The following EVA1C variants were observed in gnomAD, a reference collection of about 807,000 sequenced individuals.
The protein encoded by EVA1C is protein eva-1 homolog C.
EVA1C carries 25 observed loss-of-function variants against 45.4 expected under a neutral mutation model. That is an observed-to-expected ratio of 0.55 (90% confidence interval 0.40 to 0.77). The LOEUF (loss-of-function observed/expected upper bound fraction) is 0.77, where lower values mean the gene tolerates loss of function less well. Among genes scored for constraint, EVA1C ranks in the 30% least tolerant of loss-of-function variants. EVA1C has a pLI of 0.00. For synonymous variants in EVA1C, 190 were observed against 221.2 expected, an observed-to-expected ratio of 0.86 and a Z score of 1.25; for missense variants, 479 against 554.8, an observed-to-expected ratio of 0.86 and a Z score of 1.37.
At chr21:32,425,203 A>T (rs779578805) in intron 1 of EVA1C, among the ~76,000 whole-genome samples, 32 of 151,828 alleles carry the variant, frequency 2.1e-4, no homozygotes, top group Non-Finnish European at 4.1e-4. Context: ...GTGTGGTGGC[A>T]TGCCCCTGTA....
At chr21:32,447,928 T>C (rs9978264) in intron 1 of EVA1C, among the ~76,000 whole-genome samples, 67,184 of 151,822 alleles carry the variant, frequency 0.44, 15,184 homozygotes, top group Admixed American at 0.57. Context: ...TGGTTTTGAA[T>C]TCTCATTCTC....
At chr21:32,441,437 T>C (rs1441538300) in intron 1 of EVA1C, among the ~76,000 whole-genome samples, 1 of 151,876 alleles carries the variant, frequency 6.6e-6, no homozygotes, top group Non-Finnish European at 1.5e-5. Context: ...GAGGTCAGAG[T>C]ATGCTTAGCA....
intron 3 of EVA1C, among the ~76,000 whole-genome samples, chr21:32,463,545 C>T (rs564820913): frequency 6.6e-5 from 10 of 152,346 alleles, no homozygotes; most frequent in Non-Finnish European, 1.0e-4. Flanking sequence ...ATGTGACACG[C>T]ACAGGCCCCT....
intron 1 of EVA1C, among the ~76,000 whole-genome samples, chr21:32,415,619 C>T (rs1338686144): frequency 6.6e-6 from 1 of 152,130 alleles, no homozygotes; most frequent in Admixed American, 6.5e-5. Context: ...GCATCGATCT[C>T]ACTCTTAATA....
rs371701955 is a variant in EVA1C, at chr21:32,511,359, C to T, written c.950-3455C>T. Among the ~76,000 whole-genome samples, 4 of 123,926 alleles carry T rather than the reference C, an allele frequency of 3.2e-5. No homozygotes were observed. The East Asian group carries it at 9.9e-4, about 31-fold the overall frequency. The allele number at this position is 123,926 out of a possible 152,430, so 81.3% of individuals were successfully genotyped here. Reference sequence around the variant, plus strand: ...AACCTGGGGTGGGGGGCGGAGGTTGCAGTGAGCCAAGATCATGCCACTTAC... The same window carrying T: ...AACCTGGGGTGGGGGGCGGAGGTTGTAGTGAGCCAAGATCATGCCACTTAC... On this transcript the variant is annotated intron_variant, in intron 7 of 7. Transcript: ENST00000300255.
In EVA1C at chr21:32,473,162, G is replaced by A. The variant is rs533644573; in HGVS notation, c.634+5314G>A. On this transcript the variant is annotated intron_variant, in intron 4 of 7. Transcript: ENST00000300255. The stretch of plus-strand genomic sequence containing the variant: ...GAAATACAAACCTTTGGCTCTCTGA[G>A]CTGGTGCATTTTCTCCATCTAATTG... Among the ~76,000 whole-genome samples, 4 of 152,374 alleles carry A rather than the reference G, an allele frequency of 2.6e-5. No homozygotes were observed. The East Asian group carries it at 7.7e-4, about 29-fold the overall frequency.
intron 1 of EVA1C, among the ~76,000 whole-genome samples, chr21:32,419,583 C>T (rs1026946040): frequency 1.3e-5 from 2 of 152,162 alleles, no homozygotes; most frequent in East Asian, 1.9e-4. Flanking sequence ...GGCATAGTGG[C>T]ATGCTCCTGT....
At chr21:32,441,256 A>G (rs182032353) in intron 1 of EVA1C, among the ~76,000 whole-genome samples, 14 of 152,290 alleles carry the variant, frequency 9.2e-5, no homozygotes, top group Admixed American at 8.5e-4. Context: ...AGCAAGATAA[A>G]GCAGAGTTAG....
intron 2 of EVA1C, 76 bp from the exon 3 acceptor site, chr21:32,457,521 G>A: frequency 6.3e-7 from 1 of 1,590,762 alleles, no homozygotes; most frequent in Non-Finnish European, 8.6e-7. Flanking sequence ...GCAGAGCCCA[G>A]AGCAGCCCAG....
chr21:32,480,355 C>T (rs1018394986), intron 4 of EVA1C, among the ~76,000 whole-genome samples: 1 of 139,926 alleles, frequency 7.1e-6, no homozygotes, highest in Non-Finnish European at 1.5e-5. Context: ...AAAGACAATA[C>T]AACTCTTTAA....
intron 3 of EVA1C, among the ~76,000 whole-genome samples, chr21:32,458,357 A>G (rs1267937106): frequency 6.6e-6 from 1 of 152,148 alleles, no homozygotes; most frequent in Non-Finnish European, 1.5e-5. Flanking sequence ...GGTGGGTCAC[A>G]CTTCCAGGAG....
intron 1 of EVA1C, among the ~76,000 whole-genome samples, chr21:32,424,675 C>T (rs891053853): frequency 1.4e-4 from 22 of 152,214 alleles, no homozygotes; most frequent in African/African-American, 4.8e-4. Context: ...TCTTGAGAAC[C>T]CCAGTGCTGT....
chr21:32,510,775 C>T (rs2037920341), intron 7 of EVA1C, among the ~76,000 whole-genome samples: 2 of 152,254 alleles, frequency 1.3e-5, no homozygotes, highest in Admixed American at 1.3e-4. Context: ...TGGCTCACAC[C>T]TGTAATCCCA....
intron 7 of EVA1C, among the ~76,000 whole-genome samples, chr21:32,509,832 A>G (rs1165078620): frequency 1.3e-5 from 2 of 151,540 alleles, no homozygotes; most frequent in Non-Finnish European, 2.9e-5. Context: ...TTCCAGGCTA[A>G]CAGAAGAGCA....
At chr21:32,498,256 G>A (rs1417574965) in intron 5 of EVA1C, among the ~76,000 whole-genome samples, 2 of 152,136 alleles carry the variant, frequency 1.3e-5, no homozygotes, top group Non-Finnish European at 2.9e-5. Context: ...AGACCAGCCT[G>A]GAAAACATGG....
At chr21:32,493,686 T>G (rs2037242606) in intron 4 of EVA1C, 1 of 152,400 alleles carries the variant, frequency 6.6e-6, no homozygotes, top group Non-Finnish European at 1.5e-5. Flanking sequence ...AGACACCAGC[T>G]CTCACATGTG....
rs529476845 is a variant in EVA1C, at chr21:32,418,693, G to C, written c.160+5680G>C. Among the ~76,000 whole-genome samples the C allele has an allele frequency of 1.4e-4, 22 of 152,288 alleles. 1 individual carries two copies. In the South Asian group the frequency reaches 4.6e-3, roughly 32 times the overall value. Reference sequence around the variant, plus strand: ...CAGCACCAGGGCTGGCCAGAGTACAGGGATGGGGCCAGGCTGGGGACTTCG... The same window carrying C: ...CAGCACCAGGGCTGGCCAGAGTACACGGATGGGGCCAGGCTGGGGACTTCG... On this transcript the variant is annotated intron_variant, in intron 1 of 7. Coordinates refer to ENST00000300255, the MANE Select transcript of EVA1C (RefSeq NM_058187.5).
chr21:32,465,072 A>G (rs2036127108), intron 3 of EVA1C, among the ~76,000 whole-genome samples: 1 of 152,212 alleles, frequency 6.6e-6, no homozygotes, highest in Admixed American at 6.5e-5. Flanking sequence ...CTGAAAAAGA[A>G]ATGTTTAAAT....
chr21:32,475,879 T>TTATCTACCTATC (rs1555867881), intron 4 of EVA1C, among the ~76,000 whole-genome samples: 4 of 100,484 alleles, frequency 4.0e-5, no homozygotes, highest in African/African-American at 1.7e-4. Flanking sequence ...TCTAAAAACT[T>TTATCTACCTATC]TATCTATCTA....
Sources: gnomAD v4.1 joint callset for allele counts (sites outside exome capture counted in the v4.1 genomes callset) on GRCh38, gnomAD v4.1.1 for gene constraint, MANE v1.5 for transcripts, NCBI Gene and HGNC (gene_info 2026-07-23, HGNC 2026-07-21) for gene names.